ALG6: variants seen among roughly 807,000 people sequenced by gnomAD.
ALG6 encodes the protein dolichyl pyrophosphate Man9GlcNAc2 alpha-1,3-glucosyltransferase.
A neutral mutation model predicts 66.6 loss-of-function variants in ALG6; 46 were observed. The ratio of observed to expected loss-of-function variants is 0.69; its 90% CI spans 0.55 to 0.88. The LOEUF (loss-of-function observed/expected upper bound fraction) is 0.88, where lower values mean the gene tolerates loss of function less well. Among genes scored for constraint, ALG6 ranks in the 40% least tolerant of loss-of-function variants. The pLI is 0.00. For missense variants in ALG6, 505 were observed against 586.8 expected (o/e 0.86, Z 1.44); for synonymous variants, 185 against 203.7 (o/e 0.91, Z 0.78).
intron 14 of ALG6, among the ~76,000 whole-genome samples, chr1:63,436,265 G>A (rs1644677998): frequency 6.6e-6 from 1 of 151,946 alleles, no homozygotes; most frequent in South Asian, 2.1e-4. Flanking sequence ...GGGTAACTGG[G>A]CTATTTATTA....
At chr1:63,414,483 C>T (rs1289801267) in intron 10 of ALG6, among the ~76,000 whole-genome samples, 1 of 152,126 alleles carries the variant, frequency 6.6e-6, no homozygotes, top group Non-Finnish European at 1.5e-5. Context: ...CTCCTGACCT[C>T]AGGTGATCCA....
At chr1:63,427,787 C>CTT (rs540658412) in intron 12 of ALG6, among the ~76,000 whole-genome samples, 1,535 of 109,872 alleles carry the variant, frequency 0.014, 57 homozygotes, top group African/African-American at 0.056. Context: ...CCCTAAACAA[C>CTT]TTTTTTTTTT....
At chr1:63,408,052 C>G (rs1644498623) in intron 7 of ALG6, among the ~76,000 whole-genome samples, 1 of 152,076 alleles carries the variant, frequency 6.6e-6, no homozygotes, top group South Asian at 2.1e-4. Flanking sequence ...GACACTCATG[C>G]AGAAAACTAT....
intron 2 of ALG6, among the ~76,000 whole-genome samples, chr1:63,378,258 T>G (rs1181325378): frequency 6.6e-6 from 1 of 152,188 alleles, no homozygotes; most frequent in Non-Finnish European, 1.5e-5. Flanking sequence ...GTTTTGATGG[T>G]TGTTTTCTCT....
chr1:63,411,316 G>C lies in ALG6; in HGVS notation c.665G>C (p.Gly222Ala), dbSNP rs532466353. ...CFLLGKCFKK[G>A]LKGKGFVLLV... The stretch of plus-strand genomic sequence containing the variant: ...TTACTTGGCAAGTGTTTTAAAAAAG[G>C]CCTCAAAGGAAAGGGGTGAGTGACT... Residue 222 changes from glycine (G) to alanine (A), a missense_variant, in exon 8 of 15, where the codon GGC (glycine) becomes GCC (alanine). Physicochemically the swap from Gly to Ala is moderately conservative, Grantham distance 60 (BLOSUM62 0). Coordinates refer to ENST00000263440, the MANE Select transcript of ALG6 (RefSeq NM_013339.4). 6.2e-7 allele frequency: 1 copy of C among 1,613,656 alleles called. No homozygotes were observed. Among genetic ancestry groups the C allele is most frequent in the Non-Finnish European group, 8.5e-7 (1 of 1,179,786 alleles).
chr1:63,394,677 T>C (rs1648767835), intron 2 of ALG6, among the ~76,000 whole-genome samples: 1 of 151,470 alleles, frequency 6.6e-6, no homozygotes, highest in South Asian at 2.1e-4. Context: ...CACCTTTATG[T>C]CATTTTAAAT....
chr1:63,407,192 T>C (rs571423536), intron 7 of ALG6, 66 bp downstream of exon 7: 1 of 1,165,478 alleles, frequency 8.6e-7, no homozygotes, highest in Non-Finnish European at 1.3e-6. Context: ...AATGTGTACA[T>C]TGCTGTCATC....
At chr1:63,411,377 AT>A (rs942189262) in intron 8 of ALG6, 46 bp downstream of exon 8, 8 of 1,569,826 alleles carry the variant, frequency 5.1e-6, no homozygotes, top group Non-Finnish European at 7.0e-6. Context: ...ACTTCAGATA[AT>A]TTTTTTGGCA....
rs200471280 is a variant in ALG6 at position 63,392,172 on chromosome 1, A to ATT, written c.83-4328_83-4327dup. Among the ~76,000 whole-genome samples, 584 of 145,150 alleles carry ATT rather than the reference A, an allele frequency of 4.0e-3. 5 individuals carry two copies. Among genetic ancestry groups the ATT allele is most frequent in the African/African-American group, 0.013 (527 of 39,832 alleles). ...TTGCTATGGAAAATATAAAAGGATG[A>ATT]TTTTTTTTTTTTTTCTTCAGACAAG... On this transcript the variant is annotated intron_variant, in intron 2 of 14. Coordinates refer to ENST00000263440, the MANE Select transcript of ALG6 (RefSeq NM_013339.4).
chr1:63,434,352 G>C (rs576992737), intron 14 of ALG6, among the ~76,000 whole-genome samples: 1 of 152,268 alleles, frequency 6.6e-6, no homozygotes, highest in Admixed American at 6.5e-5. Context: ...TGAATGGGTG[G>C]GGTTGCCATT....
rs962196156 is a variant in ALG6 at position 63,433,889 on chromosome 1, C to T, written c.1327-2934C>T. Reference sequence around the variant, plus strand: ...GAGAACAACAAAGCAAGGGAGAAATCGATATGATATGCAGGAGGGATGAAT... The same window carrying T: ...GAGAACAACAAAGCAAGGGAGAAATTGATATGATATGCAGGAGGGATGAAT... On this transcript the variant is annotated intron_variant, in intron 14 of 14. Coordinates refer to ENST00000263440, the MANE Select transcript of ALG6 (RefSeq NM_013339.4). The surrounding 1 kb of genome is among the most constrained non-coding windows in gnomAD (Gnocchi z 4.2). 6.6e-6 allele frequency among the ~76,000 whole-genome samples: 1 copy of T among 152,058 alleles called. No individual in the cohort carries two copies. The highest frequency in any genetic ancestry group is 1.5e-5 in the Non-Finnish European group (1 of 68,022).
intron 10 of ALG6, 94 bp downstream of exon 10, chr1:63,414,240 A>G: frequency 1.1e-6 from 1 of 907,036 alleles, no homozygotes; most frequent in Non-Finnish European, 1.7e-6. Context: ...TTAGGGAATG[A>G]GGTGTTTTTC....
At chr1:63,430,398 T>C (rs918850208) in intron 14 of ALG6, among the ~76,000 whole-genome samples, 2 of 152,224 alleles carry the variant, frequency 1.3e-5, no homozygotes, top group Non-Finnish European at 2.9e-5. Context: ...TATGTTTTCA[T>C]TTCCCTTATG....
chr1:63,428,477 A>G (rs533082978), intron 12 of ALG6: 107 of 316,246 alleles, frequency 3.4e-4, no homozygotes, highest in African/African-American at 2.2e-3. Context: ...TGATAGAGAA[A>G]AAAAGTTCCA....
intron 3 of ALG6, among the ~76,000 whole-genome samples, chr1:63,400,327 A>ATG (rs752654526): frequency 2.9e-5 from 1 of 34,928 alleles, no homozygotes; most frequent in Non-Finnish European, 4.4e-5. Flanking sequence ...ATACGTATAT[A>ATG]TATATATACG....
intron 7 of ALG6, among the ~76,000 whole-genome samples, chr1:63,407,736 C>T (rs753726932): frequency 5.9e-5 from 9 of 151,896 alleles, no homozygotes; most frequent in Non-Finnish European, 8.8e-5. Flanking sequence ...GAAAAAAAGA[C>T]GACATTACAC....
chr1:63,390,091 C>T lies in ALG6; in HGVS notation c.83-6422C>T, dbSNP rs1350814509. Among the ~76,000 whole-genome samples, 6 of 152,260 alleles carry T rather than the reference C, an allele frequency of 3.9e-5. No homozygotes were observed. The East Asian group carries it at 7.7e-4, about 20-fold the overall frequency. On this transcript the variant is annotated intron_variant, in intron 2 of 14. Coordinates refer to ENST00000263440, the MANE Select transcript of ALG6 (RefSeq NM_013339.4). ...GCGGCAGTCACTGCCTGATTCCTGCCGATGTTCACTCAAGGCCCAAGGGTT... is the reference window on the plus strand; with the variant it reads ...GCGGCAGTCACTGCCTGATTCCTGCTGATGTTCACTCAAGGCCCAAGGGTT...
At chr1:63,431,315 C>G (rs978638795) in intron 14 of ALG6, among the ~76,000 whole-genome samples, 10 of 152,168 alleles carry the variant, frequency 6.6e-5, no homozygotes, top group African/African-American at 2.4e-4. Context: ...TATTTTACAT[C>G]CCTTTATTTT....
chr1:63,422,138 AAT>A (rs1218233591), intron 12 of ALG6, among the ~76,000 whole-genome samples: 2 of 55,688 alleles, frequency 3.6e-5, no homozygotes, highest in Non-Finnish European at 6.2e-5. Flanking sequence ...TAAATATATA[AAT>A]ATATATAAAT....
Sources: allele counts gnomAD v4.1 joint callset (sites outside exome capture counted in the v4.1 genomes callset), GRCh38; gene constraint gnomAD v4.1.1; non-coding constraint Gnocchi (gnomAD v3.1); transcripts MANE v1.5; gene names NCBI Gene and HGNC (gene_info 2026-07-23, HGNC 2026-07-21).